The following PLCL1 variants were observed in gnomAD, a reference collection of about 807,000 sequenced individuals.
The protein encoded by PLCL1 is phospholipase C like 1 (inactive).
Under a neutral mutation model 84.4 loss-of-function variants are expected in PLCL1, and 41 were observed. That is an observed-to-expected ratio of 0.49 (90% CI 0.38 to 0.63). The LOEUF is 0.63. Ranked by LOEUF, PLCL1 falls within the 30% of genes least tolerant of loss-of-function variation. PLCL1 has a pLI of 0.00. For synonymous variants in PLCL1, 490 were observed against 488.3 expected (o/e 1.00, Z -0.05); for missense variants, 1,206 against 1,367.8 (o/e 0.88, Z 1.87).
chr2:198,101,585 G>T (rs959910699), intron 4 of PLCL1, among the ~76,000 whole-genome samples: 1 of 151,878 alleles, frequency 6.6e-6, no homozygotes, highest in Non-Finnish European at 1.5e-5. Flanking sequence ...GGGTTGGGGT[G>T]GTGTCTGAAG....
intron 5 of PLCL1, among the ~76,000 whole-genome samples, chr2:198,108,569 G>A (rs1693544408): frequency 6.6e-6 from 1 of 151,838 alleles, no homozygotes; most frequent in Admixed American, 6.6e-5. Context: ...AGTGTTTTCT[G>A]CAGTTCAATA....
At chr2:198,118,375 G>A (rs1392688962) in intron 5 of PLCL1, among the ~76,000 whole-genome samples, 1 of 151,942 alleles carries the variant, frequency 6.6e-6, no homozygotes, top group Non-Finnish European at 1.5e-5. Flanking sequence ...CAGAAAGAGA[G>A]AGAGGGAGAG....
chr2:198,092,167 A>C (rs1384211170), intron 3 of PLCL1, among the ~76,000 whole-genome samples: 1 of 147,842 alleles, frequency 6.8e-6, no homozygotes, highest in Admixed American at 6.8e-5. Flanking sequence ...CCCCAGCCCC[A>C]TTTGCCTCTC....
chr2:197,915,838 G>A (rs79799715), intron 1 of PLCL1, among the ~76,000 whole-genome samples: 5,121 of 152,196 alleles, frequency 0.034, 153 homozygotes, highest in Admixed American at 0.085. Context: ...CAGAGATGAA[G>A]GATGATTTCT....
intron 1 of PLCL1, among the ~76,000 whole-genome samples, chr2:197,850,354 G>A (rs554594554): frequency 6.6e-6 from 1 of 152,126 alleles, no homozygotes; most frequent in Non-Finnish European, 1.5e-5. Context: ...TGGAACATAC[G>A]AACTCAAGGA....
At chr2:197,896,893 T>C (rs890430630) in intron 1 of PLCL1, among the ~76,000 whole-genome samples, 2 of 149,304 alleles carry the variant, frequency 1.3e-5, no homozygotes, top group Non-Finnish European at 3.0e-5. Context: ...GATTCTCCAG[T>C]TGTGCTTTTC....
At chr2:198,031,773 T>A (rs1691431605) in intron 1 of PLCL1, among the ~76,000 whole-genome samples, 1 of 151,972 alleles carries the variant, frequency 6.6e-6, no homozygotes, top group Non-Finnish European at 1.5e-5. Flanking sequence ...GCTCTTTGAA[T>A]GTTTTTTATT....
intron 1 of PLCL1, among the ~76,000 whole-genome samples, chr2:198,042,645 A>G (rs138477663): frequency 1.3e-5 from 2 of 152,348 alleles, no homozygotes; most frequent in African/African-American, 4.8e-5. Context: ...GGATAGGCAG[A>G]TAATGGTAAA....
chr2:198,063,868 G>A (rs950797931), intron 1 of PLCL1, among the ~76,000 whole-genome samples: 1 of 152,188 alleles, frequency 6.6e-6, no homozygotes, highest in Non-Finnish European at 1.5e-5. Context: ...GAAGCCTTAT[G>A]TGGAGATAGT....
At chr2:198,131,478 A>G (rs192048057) in intron 5 of PLCL1, among the ~76,000 whole-genome samples, 133 of 152,306 alleles carry the variant, frequency 8.7e-4, no homozygotes, top group African/African-American at 3.2e-3. Flanking sequence ...CTGAGCCCCA[A>G]TTAATAAACA....
intron 1 of PLCL1, among the ~76,000 whole-genome samples, chr2:198,046,213 C>T (rs1691786089): frequency 6.6e-6 from 1 of 152,156 alleles, no homozygotes; most frequent in Non-Finnish European, 1.5e-5. Flanking sequence ...GAGGAGCTAT[C>T]TAGACTGCGA....
chr2:198,107,934 C>T (rs1456009009), intron 5 of PLCL1, among the ~76,000 whole-genome samples: 2 of 151,780 alleles, frequency 1.3e-5, no homozygotes, highest in African/African-American at 4.8e-5. Context: ...ATCTGGTGTC[C>T]TTTCCCCAAG....
chr2:197,907,209 A>C (rs1328417806), intron 1 of PLCL1, among the ~76,000 whole-genome samples: 1 of 152,144 alleles, frequency 6.6e-6, no homozygotes, highest in Non-Finnish European at 1.5e-5. Context: ...AAGAGAAAGA[A>C]ATAAAAGATA....
chr2:197,927,041 C>G (rs955202043), intron 1 of PLCL1, among the ~76,000 whole-genome samples: 2 of 152,146 alleles, frequency 1.3e-5, no homozygotes, highest in African/African-American at 4.8e-5. Context: ...CAGCTAAGTT[C>G]CAAGAGTGAG....
chr2:197,913,134 CCT>C (rs1688524067), intron 1 of PLCL1, among the ~76,000 whole-genome samples: 2 of 152,084 alleles, frequency 1.3e-5, no homozygotes, highest in Non-Finnish European at 2.9e-5. Flanking sequence ...AATAGCTTCC[CCT>C]GTCACACGAC....
At chr2:197,894,659 G>A (rs1412120790) in intron 1 of PLCL1, among the ~76,000 whole-genome samples, 1 of 152,028 alleles carries the variant, frequency 6.6e-6, no homozygotes, top group Non-Finnish European at 1.5e-5. Context: ...GGATCAGCAA[G>A]CCTTGGATTG....
At position 198,039,917 on chromosome 2, in the gene PLCL1, G is replaced by A. The variant is rs565106632; in HGVS notation, c.241-43841G>A. 3.9e-5 allele frequency among the ~76,000 whole-genome samples: 6 copies of A among 152,244 alleles called. No individual in the cohort carries two copies. The South Asian group carries it at 1.2e-3, about 32-fold the overall frequency. ...ACCATATGAAAAGATAATTGAAATG[G>A]AGAACATGTTATTTGCTAGAATGGG... On this transcript the variant is annotated intron_variant, in intron 1 of 5. Coordinates refer to ENST00000428675, the MANE Select transcript of PLCL1 (RefSeq NM_006226.4).
intron 1 of PLCL1, among the ~76,000 whole-genome samples, chr2:197,840,780 C>A (rs373333879): frequency 6.6e-6 from 1 of 152,132 alleles, no homozygotes; most frequent in African/African-American, 2.4e-5. Flanking sequence ...GACCATAGCA[C>A]CCTAGCTTCC....
chr2:197,865,952 A>G (rs1316431068), intron 1 of PLCL1, among the ~76,000 whole-genome samples: 1 of 143,588 alleles, frequency 7.0e-6, no homozygotes, highest in African/African-American at 2.6e-5. Context: ...TAAAGGCTGC[A>G]TAAGCCATGA....
Sources: allele counts gnomAD v4.1 joint callset (sites outside exome capture counted in the v4.1 genomes callset), GRCh38; gene constraint gnomAD v4.1.1; transcripts MANE v1.5; gene names NCBI Gene and HGNC (gene_info 2026-07-23, HGNC 2026-07-21).